SIGLEC1: variants seen among roughly 807,000 people sequenced by gnomAD.
SIGLEC1 encodes sialoadhesin.
In SIGLEC1, 132 loss-of-function variants were observed where a neutral mutation model predicts 148.0. The observed-to-expected ratio is 0.89, with a 90% CI of 0.77 to 1.03. SIGLEC1 has a LOEUF of 1.03. Ranked by LOEUF, SIGLEC1 falls within the 50% of genes least tolerant of loss-of-function variation. SIGLEC1 has a pLI of 0.00. For synonymous variants in SIGLEC1, 945 were observed against 969.0 expected (o/e 0.98, Z 0.46); for missense variants, 2,253 against 2,271.4 (o/e 0.99, Z 0.16).
rs1016567287 is a variant in SIGLEC1 at position 3,690,167 on chromosome 20, G to A, written c.4689C>T (p.Ser1563=). ...DCRVDSEPLA[S]LTLHLGSRLV... ...GTCGACTGCCAAGGTGGAGAGTCAGGCTGGCGAGCGGCTCGCTGTCCACTC... is the reference window on the plus strand; with the variant it reads ...GTCGACTGCCAAGGTGGAGAGTCAGACTGGCGAGCGGCTCGCTGTCCACTC... Residue 1563 remains serine (S), a synonymous_variant, in exon 19 of 22, where the codon AGC becomes AGT. Coordinates refer to ENST00000344754, the MANE Select transcript of SIGLEC1 (RefSeq NM_023068.4). The A allele has an allele frequency of 1.3e-6, 2 of 1,587,882 alleles. No individual in the cohort carries two copies. The highest frequency in any genetic ancestry group is 1.7e-4 in the Middle Eastern group (1 of 6,048).
Position 3,706,645 on chromosome 20 carries a change from C to G in SIGLEC1, c.111G>C (p.Leu37=). Residue 37 remains leucine, a synonymous_variant, in exon 3 of 22, where the codon CTG becomes CTC. Transcript: ENST00000344754. ...QDVQGVKGSC[L]LIPCIFSFPA... is the part of the protein sequence containing the mutation. Reference sequence around the variant, plus strand: ...GGAAGCTGAAGATGCAGGGGATAAGCAGGCAAGACCCCTTCACACCCTGCA... The same window carrying G: ...GGAAGCTGAAGATGCAGGGGATAAGGAGGCAAGACCCCTTCACACCCTGCA... 6.3e-7 allele frequency: 1 copy of G among 1,576,994 alleles called. No individual in the cohort carries two copies. Among genetic ancestry groups the G allele is most frequent in the Non-Finnish European group, 8.6e-7 (1 of 1,161,806 alleles).
intron 3 of SIGLEC1, 133 bp from the exon 4 acceptor site, chr20:3,706,173 C>T (rs1041108262): frequency 2.3e-6 from 3 of 1,278,080 alleles, no homozygotes; most frequent in African/African-American, 3.0e-5. Flanking sequence ...TCTACTCCAG[C>T]CCCACTTGGG....
At chr20:3,705,021 A>G (rs1035851337) in intron 4 of SIGLEC1, among the ~76,000 whole-genome samples, 3 of 152,074 alleles carry the variant, frequency 2.0e-5, no homozygotes, top group African/African-American at 7.2e-5. Flanking sequence ...TGTTTGAGAC[A>G]CAGTCTCACT....
intron 1 of SIGLEC1, among the ~76,000 whole-genome samples, 58 bp downstream of exon 1, chr20:3,712,412 A>G (rs572558815): frequency 1.2e-4 from 15 of 124,022 alleles, no homozygotes; most frequent in Admixed American, 3.3e-4. Flanking sequence ...GTTTCAGCCC[A>G]GCCCCGCTCC....
chr20:3,700,440 C>G (rs1422743941), intron 7 of SIGLEC1, among the ~76,000 whole-genome samples: 2 of 151,018 alleles, frequency 1.3e-5, no homozygotes, highest in African/African-American at 4.9e-5. Flanking sequence ...TTTTAATTAG[C>G]TGGGTGTGGT....
chr20:3,692,122 T>G lies in SIGLEC1; in HGVS notation c.4111A>C (p.Ser1371Arg). ...AGGGCCAGCTCAGCAGGTGGCTCAC[T>G]GTCCACAGTGCACTGTATCACAGCC... Reference protein sequence around the residue: ...SMAVIQCTVDSEPPAELALSH... With the variant: ...SMAVIQCTVDREPPAELALSH... The change falls in exon 17 of 22, where the codon AGT (serine) becomes CGT (arginine). Residue 1371 changes from serine (S) to arginine (R), a missense_variant. Ser to Arg is a moderately radical substitution (Grantham distance 110, BLOSUM62 -1). Transcript: ENST00000344754. 6.2e-7 allele frequency: 1 copy of G among 1,605,916 alleles called. No homozygotes were observed. The highest frequency in any genetic ancestry group is 8.5e-7 in the Non-Finnish European group (1 of 1,178,122).
In SIGLEC1 at chr20:3,697,867, C is replaced by G. The variant is rs1379188058; in HGVS notation, c.2053G>C (p.Gly685Arg). Residue 685 changes from glycine (G) to arginine (R), a missense_variant, in exon 9 of 22, where the codon GGC (glycine) becomes CGC (arginine). Coordinates refer to ENST00000344754, the MANE Select transcript of SIGLEC1 (RefSeq NM_023068.4). ...EIHNPLLEEE[G>R]LYLCEASNAL... Reference sequence around the variant, plus strand: ...TTGCTGGCCTCACAGAGGTACAAGCCCTCCTCTTCCAGCAAAGGGTTGTGA... The same window carrying G: ...TTGCTGGCCTCACAGAGGTACAAGCGCTCCTCTTCCAGCAAAGGGTTGTGA... 3 of 1,613,134 alleles carry G rather than the reference C, an allele frequency of 1.9e-6. No individual in the cohort carries two copies. The highest frequency in any genetic ancestry group is 2.5e-6 in the Non-Finnish European group (3 of 1,180,006).
At chr20:3,707,764 C>T (rs1034054901) in intron 1 of SIGLEC1, among the ~76,000 whole-genome samples, 1 of 152,248 alleles carries the variant, frequency 6.6e-6, no homozygotes, top group African/African-American at 2.4e-5. Context: ...CTGCCCCCAG[C>T]TCTGTCCCCA....
In SIGLEC1 at chr20:3,706,700, G is replaced by GGAA. The variant is rs2087899112; in HGVS notation, c.55_56insTTC (p.Ala19delinsValPro). On this transcript the variant is annotated protein_altering_variant, in exon 3 of 22. Coordinates refer to ENST00000344754, the MANE Select transcript of SIGLEC1 (RefSeq NM_023068.4). ...CTGGGGACTGGAGACGCCCCATGAG[G>GGAA]CCTGGCCTGGGGGAAGAACGGCAGG... is the stretch of plus-strand genomic sequence containing the variant. The GGAA allele has an allele frequency of 6.5e-7, 1 of 1,540,310 alleles. No individual in the cohort carries two copies. The highest frequency in any genetic ancestry group is 2.5e-5 in the East Asian group (1 of 40,668).
chr20:3,691,586 C>T lies in SIGLEC1; in HGVS notation c.4345G>A (p.Ala1449Thr), dbSNP rs1051249306. 6.2e-7 allele frequency: 1 copy of T among 1,612,276 alleles called. No homozygotes were observed. Among genetic ancestry groups the T allele is most frequent in the Non-Finnish European group, 8.5e-7 (1 of 1,179,646 alleles). The part of the protein sequence containing the change: ...RLQVEGARVV[A>T]EPGLDVPEGA... ...TCAGGCACGTCCAGGCCAGGCTCTG[C>T]CACCACGCGTGCACCTGCGGGCGGA... Residue 1449 changes from alanine to threonine, a missense_variant, in exon 18 of 22, where the codon GCA (alanine) becomes ACA (threonine). Ala to Thr is a moderately conservative substitution (Grantham distance 58). Coordinates refer to ENST00000344754, the MANE Select transcript of SIGLEC1 (RefSeq NM_023068.4).
Position 3,696,802 on chromosome 20 carries a change from G to T in SIGLEC1, c.2467C>A (p.Pro823Thr). The stretch of plus-strand genomic sequence containing the variant: ...TGGAACAAGGCCAGCAAGGCCAGGG[G>T]GCGGCTGTCCACAGTGCAGATGAAC... ...ALFICTVDSRPLALLALFHGE... is the reference protein window; with the variant it reads ...ALFICTVDSRTLALLALFHGE... The change falls in exon 11 of 22, where the codon CCC (proline) becomes ACC (threonine). Residue 823 changes from proline to threonine, a missense_variant. Pro to Thr is a conservative substitution (Grantham distance 38). Coordinates refer to ENST00000344754, the MANE Select transcript of SIGLEC1 (RefSeq NM_023068.4). The T allele has an allele frequency of 6.2e-7, 1 of 1,611,634 alleles. No homozygotes were observed. The highest frequency in any genetic ancestry group is 8.5e-7 in the Non-Finnish European group (1 of 1,179,052).
In SIGLEC1 at chr20:3,701,410, C is replaced by CCT; in HGVS notation, c.1459_1460insAG (p.Gly487GlufsTer42). On this transcript the variant is annotated frameshift_variant, in exon 7 of 22. Coordinates refer to ENST00000344754, the MANE Select transcript of SIGLEC1 (RefSeq NM_023068.4). LOFTEE classifies it high-confidence loss of function. Reference sequence around the variant, plus strand: ...GTTGGTGGCTGAGCACTTGTACTCCCCACTGTCAGTTTCCTCCAGGTCTCG... The same window carrying CCT: ...GTTGGTGGCTGAGCACTTGTACTCCCCTCACTGTCAGTTTCCTCCAGGTCTCG... The CCT allele has an allele frequency of 1.2e-6, 2 of 1,614,178 alleles. No homozygotes were observed. Among genetic ancestry groups the CCT allele is most frequent in the South Asian group, 2.2e-5 (2 of 91,084 alleles).
chr20:3,693,424 A>C (rs1399522447), intron 14 of SIGLEC1, 23 bp downstream of exon 14: 1 of 1,546,572 alleles, frequency 6.5e-7, no homozygotes, highest in Admixed American at 1.8e-5. Context: ...TGTGAGTCCC[A>C]CCCTGCATCC....
chr20:3,697,476 T>G lies in SIGLEC1; in HGVS notation c.2123-134A>C, dbSNP rs1170033134. 4 of 1,110,704 alleles carry G rather than the reference T, an allele frequency of 3.6e-6. No homozygotes were observed. The South Asian group carries it at 4.5e-5, about 13-fold the overall frequency. The allele number at this position is 1,110,704 out of a possible 1,614,324, so 68.8% of individuals were successfully genotyped here. A position where few individuals can be genotyped will look rare whatever the true frequency, so the allele number is the denominator to read the frequency against. On this transcript the variant is annotated intron_variant, in intron 9 of 21. Transcript: ENST00000344754. ...GGGTTGGGGAGAAAAGCAAGCTAGC[T>G]CACAGGGCAGCCTAGGAGAAGTGGG... is the stretch of plus-strand genomic sequence containing the variant.
rs1485547113 is a variant in SIGLEC1 at position 3,704,794 on chromosome 20, T to C, written c.707-703A>G. Among the ~76,000 whole-genome samples, 3 of 103,792 alleles carry C rather than the reference T, an allele frequency of 2.9e-5. No individual in the cohort carries two copies. In the East Asian group the frequency reaches 8.5e-4, roughly 29 times the overall value. 68.1% of individuals were successfully genotyped at this position (103,792 alleles called of 152,430 possible). A position where few individuals can be genotyped will look rare whatever the true frequency, so the allele number is the denominator to read the frequency against. On this transcript the variant is annotated intron_variant, in intron 4 of 21. Coordinates refer to ENST00000344754, the MANE Select transcript of SIGLEC1 (RefSeq NM_023068.4). ...ACCACATCCAGCTAATTTTTGTTTT[T>C]TAATTTTTTTGTAGAGACAGGGTCT...
rs773678605 is a variant in SIGLEC1 at position 3,697,148 on chromosome 20, C to T, written c.2317G>A (p.Ala773Thr). 1.9e-5 allele frequency: 30 copies of T among 1,613,544 alleles called. No homozygotes were observed. Among genetic ancestry groups the T allele is most frequent in the Middle Eastern group, 3.3e-4 (2 of 6,084 alleles). ...PVARTDAALY[A>T]CRILTEAGAQ... is the part of the protein sequence containing the mutation. ...CCAGCCTCAGTCAGGATGCGGCAGG[C>T]GTAAAGGGCAGCATCAGTTCTGGCC... Residue 773 changes from alanine to threonine, a missense_variant, in exon 10 of 22, where the codon GCC becomes ACC. Coordinates refer to ENST00000344754, the MANE Select transcript of SIGLEC1 (RefSeq NM_023068.4).
intron 4 of SIGLEC1, among the ~76,000 whole-genome samples, chr20:3,705,304 T>G (rs1002950076): frequency 1.6e-4 from 24 of 152,234 alleles, no homozygotes; most frequent in African/African-American, 5.8e-4. Context: ...GCCCATCTCC[T>G]TTAATTTTTA....
At position 3,689,595 on chromosome 20, in the gene SIGLEC1, C is replaced by A. The variant is rs750154585; in HGVS notation, c.4997+5G>T. 8.3e-5 allele frequency: 130 copies of A among 1,565,176 alleles called. No individual in the cohort carries two copies. Among genetic ancestry groups the A allele is most frequent in the Non-Finnish European group, 1.1e-4 (127 of 1,153,838 alleles). On this transcript the variant is annotated splice_donor_5th_base_variant and intron_variant, in intron 20 of 21. Transcript: ENST00000344754. ...CTTCTGGCCCACTCCCAGCTCCAGA[C>A]CCACCTCCAGGTGTAGCAGGCCCCC...
chr20:3,697,692 C>G, intron 9 of SIGLEC1, 106 bp downstream of exon 9: 1 of 1,013,028 alleles, frequency 9.9e-7, no homozygotes, highest in Non-Finnish European at 1.5e-6. Context: ...GCGAAGGGCC[C>G]CCACTGCTGC....
Sources: allele counts gnomAD v4.1 joint callset (sites outside exome capture counted in the v4.1 genomes callset), GRCh38; gene constraint gnomAD v4.1.1; transcripts MANE v1.5; gene names NCBI Gene and HGNC (gene_info 2026-07-23, HGNC 2026-07-21).